Variants in NMNAT3 observed in about 807,000 individuals in gnomAD.
NMNAT3 encodes the protein nicotinamide nucleotide adenylyltransferase 3.
A neutral mutation model predicts 24.8 loss-of-function variants in NMNAT3; 21 were observed. That is an observed-to-expected ratio of 0.85 (90% confidence interval 0.60 to 1.22). The LOEUF is 1.22. Among genes scored for constraint, NMNAT3 ranks in the 50% most tolerant of loss-of-function variants. The pLI is 0.00. For synonymous variants in NMNAT3, 136 were observed against 155.2 expected (o/e 0.88, Z 0.92); for missense variants, 387 against 436.6 (o/e 0.89, Z 1.01).
Position 139,560,870 on chromosome 3 carries a change from A to C in NMNAT3, c.*140T>G. The C allele has an allele frequency of 1.3e-6, 1 of 784,938 alleles. No homozygotes were observed. The highest frequency in any genetic ancestry group is 2.1e-6 in the Non-Finnish European group (1 of 485,830). The allele number at this position is 784,938 out of a possible 1,614,324, so 48.6% of individuals were successfully genotyped here. On this transcript the variant is annotated 3_prime_UTR_variant, in exon 7 of 7. Transcript: ENST00000643695. Reference sequence around the variant, plus strand: ...AAGGTATCTCTTCCTGGGACAGAAGACTCCTCAGAAGTAGAATCACTGTAG... The same window carrying C: ...AAGGTATCTCTTCCTGGGACAGAAGCCTCCTCAGAAGTAGAATCACTGTAG...
At chr3:139,624,650 T>C (rs1419190703) in intron 3 of NMNAT3, among the ~76,000 whole-genome samples, 1 of 152,182 alleles carries the variant, frequency 6.6e-6, no homozygotes, top group East Asian at 1.9e-4. Flanking sequence ...GGTTTCACCA[T>C]GTTGGCCAGG....
rs765220690 is a variant in NMNAT3, at chr3:139,561,239, G to A, written c.812C>T (p.Ala271Val). ...GTGCATCCGTAGGATGGGAGATTCTGCGATGTAACCTTTTGGGTCGTGACC... is the reference window on the plus strand; with the variant it reads ...GTGCATCCGTAGGATGGGAGATTCTACGATGTAACCTTTTGGGTCGTGACC... The change falls in exon 7 of 7, where the codon GCA becomes GTA. Residue 271 changes from alanine to valine, a missense_variant. By Grantham distance (64) the Ala-to-Val change is moderately conservative. Coordinates refer to ENST00000643695, the MANE Select transcript of NMNAT3 (RefSeq NM_001320510.2). The A allele has an allele frequency of 1.2e-6, 2 of 1,614,108 alleles. No individual in the cohort carries two copies. The highest frequency in any genetic ancestry group is 1.7e-6 in the Non-Finnish European group (2 of 1,180,006).
intron 3 of NMNAT3, among the ~76,000 whole-genome samples, chr3:139,607,206 A>C (rs1422047469): frequency 6.6e-6 from 1 of 151,992 alleles, no homozygotes; most frequent in Non-Finnish European, 1.5e-5. Flanking sequence ...GTGTACACAC[A>C]CCACTCTGTA....
chr3:139,594,106 G>T (rs146691496), intron 3 of NMNAT3, among the ~76,000 whole-genome samples: 1 of 151,824 alleles, frequency 6.6e-6, no homozygotes, highest in Non-Finnish European at 1.5e-5. Context: ...TCAAATAGAC[G>T]CAATAAAAAA....
intron 6 of NMNAT3, among the ~76,000 whole-genome samples, chr3:139,572,499 C>A (rs1333616098): frequency 6.6e-6 from 1 of 152,116 alleles, no homozygotes; most frequent in Non-Finnish European, 1.5e-5. Context: ...ATCCAGATTC[C>A]TGGGCTCTAC....
intron 3 of NMNAT3, among the ~76,000 whole-genome samples, chr3:139,620,186 C>G (rs1330751594): frequency 6.8e-6 from 1 of 146,952 alleles, no homozygotes; most frequent in Non-Finnish European, 1.5e-5. Context: ...ATAACTGAAG[C>G]AACCTTGTGG....
At chr3:139,652,244 C>T (rs1053872948) in intron 1 of NMNAT3, among the ~76,000 whole-genome samples, 2 of 152,130 alleles carry the variant, frequency 1.3e-5, no homozygotes, top group Non-Finnish European at 2.9e-5. Context: ...TTTGTGGGTA[C>T]CCAGATGATC....
Position 139,607,713 on chromosome 3 carries a change from G to C in NMNAT3, c.109+19903C>G, listed in dbSNP as rs1456165401. Reference sequence around the variant, plus strand: ...TCCAATAGTCAGAGCTATATAAAGAGGAACACTCAGAGAAGGGTCTCTCTG... The same window carrying C: ...TCCAATAGTCAGAGCTATATAAAGACGAACACTCAGAGAAGGGTCTCTCTG... On this transcript the variant is annotated intron_variant, in intron 3 of 6. Transcript: ENST00000643695. Among the ~76,000 whole-genome samples, 8 of 152,074 alleles carry C rather than the reference G, an allele frequency of 5.3e-5. No homozygotes were observed. The South Asian group carries it at 8.3e-4, about 16-fold the overall frequency.
Position 139,578,934 on chromosome 3 carries a change from C to G in NMNAT3, c.513G>C (p.Trp171Cys), listed in dbSNP as rs1413419967. The change falls in exon 5 of 7, where the codon TGG becomes TGC. Residue 171 changes from tryptophan (W) to cysteine (C), a missense_variant. This residue lies in a region of NMNAT3 where 323 missense variants were observed against 345.2 expected (regional missense o/e 0.94). Coordinates refer to ENST00000643695, the MANE Select transcript of NMNAT3 (RefSeq NM_001320510.2). ...CACTCTCCCAAGGGTCCACCCGGAT[C>G]CAGTCGGATGTCTGCAGGGCCAGCC... 38 of 1,614,202 alleles carry G rather than the reference C, an allele frequency of 2.4e-5. No individual in the cohort carries two copies. Among genetic ancestry groups the G allele is most frequent in the Non-Finnish European group, 3.2e-5 (38 of 1,180,032 alleles).
At chr3:139,662,916 G>A (rs2057462710) in intron 1 of NMNAT3, among the ~76,000 whole-genome samples, 1 of 152,182 alleles carries the variant, frequency 6.6e-6, no homozygotes, top group Non-Finnish European at 1.5e-5. Flanking sequence ...TTTCAGACAC[G>A]ATTTCCCTGA....
intron 6 of NMNAT3, chr3:139,567,591 G>A (rs1937449690): frequency 1.3e-5 from 2 of 152,178 alleles, no homozygotes; most frequent in Admixed American, 1.3e-4. Flanking sequence ...TTTTGTCAAA[G>A]GCCTTTTCTG....
intron 3 of NMNAT3, among the ~76,000 whole-genome samples, chr3:139,591,057 C>G: frequency 6.6e-6 from 1 of 151,852 alleles, no homozygotes; most frequent in Non-Finnish European, 1.5e-5. Flanking sequence ...ATCTGAGGTA[C>G]CGGGTTCATC....
At chr3:139,578,801 T>C in intron 5 of NMNAT3, 71 bp downstream of exon 5, 1 of 1,405,706 alleles carries the variant, frequency 7.1e-7, no homozygotes, top group Admixed American at 2.2e-5. Flanking sequence ...CTGCCCTACC[T>C]TTTACCCTGT....
At chr3:139,596,960 A>G (rs550547524) in intron 3 of NMNAT3, among the ~76,000 whole-genome samples, 3 of 102,688 alleles carry the variant, frequency 2.9e-5, no homozygotes, top group African/African-American at 1.3e-4. Context: ...ATATATATAT[A>G]TATATTTTTA....
intron 1 of NMNAT3, among the ~76,000 whole-genome samples, chr3:139,667,671 T>G (rs2349591): frequency 0.089 from 13,597 of 152,128 alleles, 886 homozygotes; most frequent in East Asian, 0.27. Flanking sequence ...CCCCCAGAAT[T>G]GTGAGAGACA....
At chr3:139,665,179 CT>C (rs776095241) in intron 1 of NMNAT3, among the ~76,000 whole-genome samples, 8 of 152,170 alleles carry the variant, frequency 5.3e-5, no homozygotes, top group Non-Finnish European at 1.2e-4. Context: ...GGGATACACC[CT>C]GTACACGAAG....
chr3:139,628,822 C>T (rs1462488411), intron 2 of NMNAT3, among the ~76,000 whole-genome samples: 1 of 152,218 alleles, frequency 6.6e-6, no homozygotes, highest in East Asian at 1.9e-4. Flanking sequence ...ATGTTACTTA[C>T]TCTTACAAGG....
At chr3:139,629,594 T>C (rs777608492) in intron 2 of NMNAT3, among the ~76,000 whole-genome samples, 1 of 152,222 alleles carries the variant, frequency 6.6e-6, no homozygotes, top group African/African-American at 2.4e-5. Context: ...TTAGCTGTAA[T>C]CCTGCAGTTC....
chr3:139,623,503 C>T (rs1000624816), intron 3 of NMNAT3, among the ~76,000 whole-genome samples: 1 of 151,972 alleles, frequency 6.6e-6, no homozygotes, highest in Non-Finnish European at 1.5e-5. Flanking sequence ...ATAGTAAATA[C>T]ATAAATCAGT....
Sources: gnomAD v4.1 joint callset for allele counts (sites outside exome capture counted in the v4.1 genomes callset) on GRCh38, gnomAD v4.1.1 for gene constraint, gnomAD v4.1.1 regional missense constraint, MANE v1.5 for transcripts, NCBI Gene and HGNC (gene_info 2026-07-23, HGNC 2026-07-21) for gene names.